The following C14orf93 variants were observed in gnomAD, a reference collection of about 807,000 sequenced individuals.
C14orf93 encodes uncharacterized protein C14orf93.
In C14orf93, 23 loss-of-function variants were observed where a neutral mutation model predicts 44.0. That is an observed-to-expected ratio of 0.52 (90% CI 0.38 to 0.74). The LOEUF (loss-of-function observed/expected upper bound fraction) is 0.74, where lower values mean the gene tolerates loss of function less well. Ranked by LOEUF, C14orf93 falls within the 30% of genes least tolerant of loss-of-function variation. C14orf93 has a pLI of 0.00. For missense variants in C14orf93, 579 were observed against 678.9 expected (o/e 0.85, Z 1.64); for synonymous variants, 253 against 265.7 (o/e 0.95, Z 0.46).
At chr14:22,995,182 C>T (rs548838984) in intron 3 of C14orf93, among the ~76,000 whole-genome samples, 85 of 152,320 alleles carry the variant, frequency 5.6e-4, no homozygotes, top group Non-Finnish European at 7.2e-4. Flanking sequence ...AATCTCCAAA[C>T]CTCTATAACT....
chr14:23,000,783 T>C (rs2046253284), intron 1 of C14orf93, among the ~76,000 whole-genome samples: 1 of 152,148 alleles, frequency 6.6e-6, no homozygotes, highest in Admixed American at 6.5e-5. Context: ...GTTTTCTTTT[T>C]TCTTTTTGAA....
chr14:22,989,594 G>A (rs567354958), intron 5 of C14orf93, 148 bp downstream of exon 5: 2 of 614,510 alleles, frequency 3.3e-6, no homozygotes, highest in Non-Finnish European at 5.9e-6. Context: ...ATATATTGAA[G>A]GTGAGAATAG....
rs553343257 is a variant in C14orf93, at chr14:22,996,193, G to C, written c.673C>G (p.Pro225Ala). ...CGCTGGATTGCCAGTTGTGTGGCTGGTGAGAGTTGCTTGGCATAAGCAGGG... is the reference window on the plus strand; with the variant it reads ...CGCTGGATTGCCAGTTGTGTGGCTGCTGAGAGTTGCTTGGCATAAGCAGGG... ...LVPAYAKQLS[P>A]ATQLAIQRAT... Residue 225 changes from proline (P) to alanine (A), a missense_variant, in exon 3 of 7, where the codon CCA (proline) becomes GCA (alanine). By Grantham distance (27) the Pro-to-Ala change is conservative. Transcript: ENST00000299088. The surrounding 1 kb of genome is among the most constrained non-coding windows in gnomAD (Gnocchi z 4.1). 2.8e-5 allele frequency: 45 copies of C among 1,612,830 alleles called. 2 individuals carry two copies. The South Asian group carries it at 4.9e-4, about 18-fold the overall frequency.
chr14:22,987,801 C>T lies in C14orf93; in HGVS notation c.1197+102G>A. On this transcript the variant is annotated intron_variant, in intron 6 of 6. Coordinates refer to ENST00000299088, the MANE Select transcript of C14orf93 (RefSeq NM_021944.4). This position sits in a 1 kb window ranked among gnomAD's most constrained non-coding sequence, Gnocchi z 5.6. ...CTGTTCTTCTCTATCTTCCTACATT[C>T]CTGGCTCTCAACCCTATTCTCATAT... The T allele has an allele frequency of 8.1e-7, 1 of 1,232,676 alleles. No homozygotes were observed. The highest frequency in any genetic ancestry group is 1.1e-6 in the Non-Finnish European group (1 of 870,510). 76.4% of individuals were successfully genotyped at this position (1,232,676 alleles called of 1,614,324 possible). A position where few individuals can be genotyped will look rare whatever the true frequency, so the allele number is the denominator to read the frequency against.
intron 1 of C14orf93, among the ~76,000 whole-genome samples, chr14:23,009,235 G>A (rs1236939965): frequency 1.3e-5 from 2 of 152,166 alleles, no homozygotes; most frequent in East Asian, 1.9e-4. Flanking sequence ...TATAGTAAAT[G>A]CACATAGAAA....
chr14:22,989,013 A>G (rs975238701), intron 5 of C14orf93, among the ~76,000 whole-genome samples: 1 of 152,128 alleles, frequency 6.6e-6, no homozygotes, highest in African/African-American at 2.4e-5. Context: ...TCGTTGAAAC[A>G]AGGTTTGCCC....
rs2046150370 is a variant in C14orf93, at chr14:22,998,833, A to G, written c.191T>C (p.Val64Ala). The G allele has an allele frequency of 6.2e-7, 1 of 1,614,132 alleles. No individual in the cohort carries two copies. Among genetic ancestry groups the G allele is most frequent in the East Asian group, 2.2e-5 (1 of 44,870 alleles). Residue 64 changes from valine to alanine, a missense_variant, in exon 2 of 7, where the codon GTT (valine) becomes GCT (alanine). Transcript: ENST00000299088. The stretch of plus-strand genomic sequence containing the variant: ...TGCCTTATCGACCCGCTGGTAGATA[A>G]CATGCAGGAGCTGCTCTGAGCTCTG... ...AVQSSEQLLH[V>A]IYQRVDKAVG...
chr14:23,007,525 A>C (rs2046689494), intron 1 of C14orf93, among the ~76,000 whole-genome samples: 1 of 152,150 alleles, frequency 6.6e-6, no homozygotes, highest in Non-Finnish European at 1.5e-5. Flanking sequence ...GCAGCTCCTC[A>C]CAGTTCAAAG....
In C14orf93 at chr14:22,987,974, G is replaced by A. The variant is rs201780521; in HGVS notation, c.1126C>T (p.Arg376Cys). 1.0e-4 allele frequency: 165 copies of A among 1,613,782 alleles called. No individual in the cohort carries two copies. Among genetic ancestry groups the A allele is most frequent in the Non-Finnish European group, 1.3e-4 (148 of 1,179,834 alleles). The change falls in exon 6 of 7, where the codon CGC becomes TGC. Residue 376 changes from arginine to cysteine, a missense_variant. Physicochemically the swap from Arg to Cys is radical, Grantham distance 180 (BLOSUM62 -3). Transcript: ENST00000299088. This position sits in a 1 kb window ranked among gnomAD's most constrained non-coding sequence, Gnocchi z 5.6. The stretch of plus-strand genomic sequence containing the variant: ...CCTTTAAAGGGGTTCAGGGAGTTGC[G>A]GTACTCACGCCTCTTAGTAAGGAAG... ...AYFLTKRREY[R>C]NSLNPFKGLK...
intron 1 of C14orf93, among the ~76,000 whole-genome samples, chr14:23,004,212 T>A (rs1461307133): frequency 2.2e-5 from 3 of 133,668 alleles, no homozygotes; most frequent in African/African-American, 8.7e-5. Context: ...CCGGCCAAAA[T>A]ATATATATAT....
At chr14:22,988,938 T>A (rs2045415735) in intron 5 of C14orf93, among the ~76,000 whole-genome samples, 1 of 152,060 alleles carries the variant, frequency 6.6e-6, no homozygotes, top group Admixed American at 6.6e-5. Flanking sequence ...AAAAAAAATT[T>A]AAAAACAACA....
At chr14:22,988,484 C>A (rs909261931) in intron 5 of C14orf93, among the ~76,000 whole-genome samples, 1 of 152,060 alleles carries the variant, frequency 6.6e-6, no homozygotes, top group Admixed American at 6.5e-5. Context: ...GGTTAGGATT[C>A]TTTTTATTTA....
In C14orf93 at chr14:22,995,965, G is replaced by A. The variant is rs771658477; in HGVS notation, c.901C>T (p.Arg301Trp). Reference protein sequence around the residue: ...GSGQKNSRRKRDLVLSKLVHN... With the variant: ...GSGQKNSRRKWDLVLSKLVHN... ...TCACTCACAGAGAGTACAAGATCCC[G>A]CTTGCGCCTGGAGTTCTTCTGCCCA... Residue 301 changes from arginine to tryptophan, a missense_variant, in exon 3 of 7, where the codon CGG becomes TGG. Coordinates refer to ENST00000299088, the MANE Select transcript of C14orf93 (RefSeq NM_021944.4). The A allele has an allele frequency of 8.8e-6, 14 of 1,597,896 alleles. No homozygotes were observed. Among genetic ancestry groups the A allele is most frequent in the East Asian group, 2.2e-5 (1 of 44,496 alleles).
chr14:22,994,934 C>T (rs960341837), intron 3 of C14orf93, among the ~76,000 whole-genome samples: 7 of 152,162 alleles, frequency 4.6e-5, no homozygotes, highest in Non-Finnish European at 1.0e-4. Flanking sequence ...TGCCCCCGGC[C>T]ACCCACCAGT....
chr14:22,996,387 G>T lies in C14orf93; in HGVS notation c.598-119C>A. Reference sequence around the variant, plus strand: ...TGGAAAGAAGGGGAACTCTAGCACAGTCTTTAATGGTCAATGGCTTGTTTC... The same window carrying T: ...TGGAAAGAAGGGGAACTCTAGCACATTCTTTAATGGTCAATGGCTTGTTTC... On this transcript the variant is annotated intron_variant, in intron 2 of 6. Coordinates refer to ENST00000299088, the MANE Select transcript of C14orf93 (RefSeq NM_021944.4). The surrounding 1 kb of genome is among the most constrained non-coding windows in gnomAD (Gnocchi z 4.1). 2 of 974,640 alleles carry T rather than the reference G, an allele frequency of 2.1e-6. No homozygotes were observed. The highest frequency in any genetic ancestry group is 2.9e-6 in the Non-Finnish European group (2 of 682,400). The allele number at this position is 974,640 out of a possible 1,614,324, so 60.4% of individuals were successfully genotyped here. A position where few individuals can be genotyped will look rare whatever the true frequency, so the allele number is the denominator to read the frequency against.
chr14:23,001,802 C>T (rs1379137015), intron 1 of C14orf93, among the ~76,000 whole-genome samples: 1 of 137,068 alleles, frequency 7.3e-6, no homozygotes, highest in Non-Finnish European at 1.5e-5. Context: ...GTCGTCCTTC[C>T]TTGGTCATCT....
In C14orf93 at chr14:22,999,138, AG is replaced by A; in HGVS notation, c.-116del. On this transcript the variant is annotated 5_prime_UTR_variant, in exon 2 of 7. An upstream open reading frame in the 5' UTR gains an earlier in-frame stop. Coordinates refer to ENST00000299088, the MANE Select transcript of C14orf93 (RefSeq NM_021944.4). Reference sequence around the variant, plus strand: ...TCAATGAGGATGGTCAGAGGAGCCCAGGCCCCAAGCTGTAGGGTCTGTGAAA... The same window carrying A: ...TCAATGAGGATGGTCAGAGGAGCCCAGCCCCAAGCTGTAGGGTCTGTGAAA... 6.8e-7 allele frequency: 1 copy of A among 1,471,094 alleles called. No individual in the cohort carries two copies. The highest frequency in any genetic ancestry group is 2.3e-5 in the East Asian group (1 of 43,638). The allele number at this position is 1,471,094 out of a possible 1,614,324, so 91.1% of individuals were successfully genotyped here. A position where few individuals can be genotyped will look rare whatever the true frequency, so the allele number is the denominator to read the frequency against.
chr14:23,006,350 C>T (rs1174435056), intron 1 of C14orf93: 2 of 152,150 alleles, frequency 1.3e-5, no homozygotes, highest in African/African-American at 2.4e-5. Flanking sequence ...AGTGACTCGA[C>T]TAATGGTCTG....
At chr14:23,003,906 T>TTA (rs2046482859) in intron 1 of C14orf93, among the ~76,000 whole-genome samples, 1 of 42,800 alleles carries the variant, frequency 2.3e-5, no homozygotes, top group South Asian at 1.0e-3. Flanking sequence ...ATATTTTTTT[T>TTA]TTTTTTTTTT....
Sources: gnomAD v4.1 joint callset for allele counts (sites outside exome capture counted in the v4.1 genomes callset) on GRCh38, gnomAD v4.1.1 for gene constraint, Gnocchi (gnomAD v3.1) non-coding constraint, MANE v1.5 for transcripts, NCBI Gene and HGNC (gene_info 2026-07-23, HGNC 2026-07-21) for gene names.